Variants in EFCAB6 observed in about 807,000 individuals in gnomAD.
EFCAB6 encodes the protein EF-hand calcium-binding domain-containing protein 6.
Under a neutral mutation model 169.8 loss-of-function variants are expected in EFCAB6, and 156 were observed. The observed-to-expected ratio is 0.92, with a 90% CI of 0.81 to 1.05. EFCAB6 has a LOEUF of 1.05. Ranked by LOEUF, EFCAB6 falls within the 50% of genes least tolerant of loss-of-function variation. EFCAB6 has a pLI of 0.00. For synonymous variants in EFCAB6, 698 were observed against 676.4 expected (o/e 1.03, Z -0.50); for missense variants, 1,800 against 1,829.1 (o/e 0.98, Z 0.29).
At chr22:43,603,289 G>A (rs1274647107) in intron 22 of EFCAB6, among the ~76,000 whole-genome samples, 4 of 152,242 alleles carry the variant, frequency 2.6e-5, no homozygotes, top group African/African-American at 9.6e-5. Context: ...ATTAATAAGA[G>A]AGCTAATTCA....
At chr22:43,743,398 T>A (rs2060443174) in intron 6 of EFCAB6, among the ~76,000 whole-genome samples, 1 of 152,194 alleles carries the variant, frequency 6.6e-6, no homozygotes, top group Non-Finnish European at 1.5e-5. Context: ...CAGAATGATG[T>A]AGTGACTAGT....
intron 21 of EFCAB6, among the ~76,000 whole-genome samples, chr22:43,612,512 A>G (rs2053384494): frequency 1.3e-5 from 2 of 152,222 alleles, no homozygotes; most frequent in Admixed American, 1.3e-4. Flanking sequence ...CAACAATCAT[A>G]TGAAAAAAAG....
intron 17 of EFCAB6, among the ~76,000 whole-genome samples, chr22:43,662,540 C>T (rs571793176): frequency 2.0e-5 from 3 of 152,158 alleles, no homozygotes; most frequent in Non-Finnish European, 2.9e-5. Context: ...ACCTTCACTC[C>T]CACCTCCTCA....
intron 4 of EFCAB6, among the ~76,000 whole-genome samples, chr22:43,769,484 C>T (rs543665214): frequency 6.6e-5 from 10 of 151,802 alleles, no homozygotes; most frequent in African/African-American, 1.9e-4. Flanking sequence ...TTTTATGATA[C>T]GTAAATTATA....
chr22:43,641,486 G>A (rs149626598), intron 17 of EFCAB6, among the ~76,000 whole-genome samples: 2 of 152,118 alleles, frequency 1.3e-5, no homozygotes, highest in East Asian at 3.9e-4. Flanking sequence ...CATGGTGGCA[G>A]GCACCTGCAA....
At chr22:43,748,693 G>A (rs1305401181) in intron 6 of EFCAB6, among the ~76,000 whole-genome samples, 2 of 152,176 alleles carry the variant, frequency 1.3e-5, no homozygotes. Context: ...GGACAGAAAA[G>A]GTGCCTGCTC....
chr22:43,782,043 A>G (rs1465132453), intron 3 of EFCAB6, 137 bp downstream of exon 3: 1 of 895,202 alleles, frequency 1.1e-6, no homozygotes, highest in Non-Finnish European at 1.6e-6. Flanking sequence ...GAAAACAGGG[A>G]TAAAAACAGA....
chr22:43,673,550 C>T (rs865812803), intron 13 of EFCAB6, among the ~76,000 whole-genome samples: 30 of 152,176 alleles, frequency 2.0e-4, no homozygotes, highest in African/African-American at 6.0e-4. Flanking sequence ...CCAAAGTGGG[C>T]GGAACACCTG....
intron 8 of EFCAB6, among the ~76,000 whole-genome samples, chr22:43,718,087 T>A (rs2059398017): frequency 1.3e-5 from 2 of 151,542 alleles, no homozygotes; most frequent in African/African-American, 2.4e-5. Context: ...CATCCATCCA[T>A]GTAAGTACCA....
intron 17 of EFCAB6, among the ~76,000 whole-genome samples, chr22:43,638,155 C>T (rs1482248117): frequency 6.6e-6 from 1 of 152,216 alleles, no homozygotes; most frequent in Non-Finnish European, 1.5e-5. Context: ...GATGCAAAGG[C>T]CTCTGATGCC....
chr22:43,657,796 G>A (rs1354869052), intron 17 of EFCAB6, among the ~76,000 whole-genome samples: 1 of 152,156 alleles, frequency 6.6e-6, no homozygotes, highest in Non-Finnish European at 1.5e-5. Flanking sequence ...AGAAAAAAAT[G>A]ACAACACAAA....
intron 27 of EFCAB6, among the ~76,000 whole-genome samples, chr22:43,551,442 CAG>C (rs1486802059): frequency 6.6e-6 from 1 of 152,224 alleles, no homozygotes; most frequent in Non-Finnish European, 1.5e-5. Context: ...ATATTCGTGC[CAG>C]AGTTTGAGGT....
At chr22:43,758,732 C>G (rs911948723) in intron 5 of EFCAB6, among the ~76,000 whole-genome samples, 9 of 152,218 alleles carry the variant, frequency 5.9e-5, no homozygotes, top group African/African-American at 2.2e-4. Flanking sequence ...GAATCAAGAT[C>G]TTTCAGTCAA....
intron 20 of EFCAB6, among the ~76,000 whole-genome samples, chr22:43,624,306 G>A (rs2054339063): frequency 6.6e-6 from 1 of 152,068 alleles, no homozygotes; most frequent in Admixed American, 6.5e-5. Context: ...CCTCCTTTGT[G>A]TCCATCCTCC....
intron 23 of EFCAB6, among the ~76,000 whole-genome samples, chr22:43,597,134 A>G (rs184593703): frequency 2.1e-4 from 32 of 152,370 alleles, no homozygotes; most frequent in Non-Finnish European, 4.3e-4. Context: ...GTAAGACCAT[A>G]AACTATGAAA....
At chr22:43,773,203 G>A (rs1344357164) in intron 3 of EFCAB6, 100 bp from the exon 4 acceptor site, 12 of 1,159,672 alleles carry the variant, frequency 1.0e-5, no homozygotes, top group Non-Finnish European at 1.5e-5. Flanking sequence ...CTTATTAGAT[G>A]GTATTTCTCC....
At position 43,628,087 on chromosome 22, in the gene EFCAB6, C is replaced by G. The variant is rs921112127; in HGVS notation, c.2233-1408G>C. ...ACTCTCAGCCCCAAGCCGCCACCCC[C>G]CTGACCCACAGCCTCACATCTCCAG... On this transcript the variant is annotated intron_variant, in intron 19 of 31. Coordinates refer to ENST00000262726, the MANE Select transcript of EFCAB6 (RefSeq NM_022785.4). This position sits in a 1 kb window ranked among gnomAD's most constrained non-coding sequence, Gnocchi z 4.8. 6.6e-6 allele frequency among the ~76,000 whole-genome samples: 1 copy of G among 152,054 alleles called. No homozygotes were observed. The highest frequency in any genetic ancestry group is 1.5e-5 in the Non-Finnish European group (1 of 68,012).
intron 20 of EFCAB6, among the ~76,000 whole-genome samples, chr22:43,620,242 A>C (rs1298739930): frequency 6.6e-6 from 1 of 152,124 alleles, no homozygotes; most frequent in African/African-American, 2.4e-5. Flanking sequence ...CTGGGAGGTC[A>C]AGGCTGCAGT....
Position 43,793,895 on chromosome 22 carries a change from TG to T in EFCAB6, c.-7-11571del, listed in dbSNP as rs201092629. Among the ~76,000 whole-genome samples, 381 of 152,358 alleles carry T rather than the reference TG, an allele frequency of 2.5e-3. 4 individuals are homozygous for T. The highest frequency in any genetic ancestry group is 8.8e-3 in the African/African-American group (366 of 41,576). On this transcript the variant is annotated intron_variant, in intron 2 of 31. Coordinates refer to ENST00000262726, the MANE Select transcript of EFCAB6 (RefSeq NM_022785.4). ...GATTTGTTATTGTTATTAATACCAT[TG>T]TTTTTAAATGCATTTATTTTCCATT...
Sources: gnomAD v4.1 joint callset for allele counts (sites outside exome capture counted in the v4.1 genomes callset) on GRCh38, gnomAD v4.1.1 for gene constraint, Gnocchi (gnomAD v3.1) non-coding constraint, MANE v1.5 for transcripts, NCBI Gene and HGNC (gene_info 2026-07-23, HGNC 2026-07-21) for gene names.